CDH13: variants seen among roughly 807,000 people sequenced by gnomAD.
CDH13 encodes the protein cadherin 13.
Under a neutral mutation model 63.8 loss-of-function variants are expected in CDH13, and 24 were observed. That is an observed-to-expected ratio of 0.38 (90% confidence interval 0.27 to 0.53). CDH13 has a LOEUF of 0.53. CDH13 is among the 20% of genes least tolerant of loss of function. The pLI is 0.85. For synonymous variants in CDH13, 503 were observed against 355.3 expected (o/e 1.42, Z -4.67); for missense variants, 1,049 against 903.1 (o/e 1.16, Z -2.07).
rs553581137 is a variant in CDH13 at position 83,409,730 on chromosome 16, T to C, written c.781+64724T>C. Among the ~76,000 whole-genome samples the C allele has an allele frequency of 3.9e-5, 6 of 152,350 alleles. No homozygotes were observed. The South Asian group carries it at 1.2e-3, about 32-fold the overall frequency. On this transcript the variant is annotated intron_variant, in intron 6 of 13. Transcript: ENST00000567109. ...TATATCAAACAGGACCAATAAATCA[T>C]TCAGCTTTTCCCCAGAAGTGGGATG...
chr16:83,117,724 C>A (rs772747067), intron 3 of CDH13, among the ~76,000 whole-genome samples: 1 of 152,158 alleles, frequency 6.6e-6, no homozygotes, highest in African/African-American at 2.4e-5. Flanking sequence ...CTCCTTCTCA[C>A]GTTCTTTTTC....
At chr16:82,658,329 C>A (rs1308175438) in intron 1 of CDH13, among the ~76,000 whole-genome samples, 1 of 152,176 alleles carries the variant, frequency 6.6e-6, no homozygotes, top group Non-Finnish European at 1.5e-5. Flanking sequence ...ACTGCTGGTT[C>A]CCAATAGTTG....
At chr16:82,842,151 T>TAC (rs2039059794) in intron 1 of CDH13, among the ~76,000 whole-genome samples, 2 of 38,576 alleles carry the variant, frequency 5.2e-5, no homozygotes, top group African/African-American at 7.4e-5. Flanking sequence ...CATATATATA[T>TAC]ATATATATAT....
chr16:83,028,933 C>T (rs1916063292), intron 2 of CDH13, among the ~76,000 whole-genome samples: 1 of 152,138 alleles, frequency 6.6e-6, no homozygotes, highest in Non-Finnish European at 1.5e-5. Flanking sequence ...TGGTGACAGG[C>T]AAATGGTCCA....
intron 8 of CDH13, among the ~76,000 whole-genome samples, chr16:83,633,708 G>C (rs181669888): frequency 1.3e-5 from 2 of 152,076 alleles, no homozygotes. Flanking sequence ...ACTTTCTCTC[G>C]TTTTTGTTTC....
At chr16:83,317,923 G>A (rs1400108662) in intron 5 of CDH13, among the ~76,000 whole-genome samples, 19 of 152,102 alleles carry the variant, frequency 1.2e-4, no homozygotes, top group Admixed American at 1.2e-3. Flanking sequence ...GCAACAGGGC[G>A]GGGACTAGCA....
At chr16:83,425,559 A>T (rs2071867850) in intron 6 of CDH13, among the ~76,000 whole-genome samples, 1 of 152,104 alleles carries the variant, frequency 6.6e-6, no homozygotes, top group African/African-American at 2.4e-5. Flanking sequence ...TCCCTCAAAA[A>T]TATCCTTCTG....
At chr16:83,463,608 C>G (rs1025157269) in intron 6 of CDH13, among the ~76,000 whole-genome samples, 11 of 152,158 alleles carry the variant, frequency 7.2e-5, no homozygotes, top group African/African-American at 2.7e-4. Flanking sequence ...CAAGACCAGT[C>G]TGGGCAACAT....
intron 8 of CDH13, among the ~76,000 whole-genome samples, chr16:83,657,263 A>G (rs1017751859): frequency 6.6e-6 from 1 of 152,210 alleles, no homozygotes; most frequent in Non-Finnish European, 1.5e-5. Context: ...CCATTGCTAC[A>G]TTGTTCCTGA....
chr16:82,667,509 C>T (rs771466393), intron 1 of CDH13, among the ~76,000 whole-genome samples: 14 of 152,094 alleles, frequency 9.2e-5, no homozygotes, highest in South Asian at 2.1e-4. Flanking sequence ...TTCCTTGCAC[C>T]GTAGGATTGT....
At chr16:82,632,855 TAGA>T (rs1908183380) in intron 1 of CDH13, among the ~76,000 whole-genome samples, 1 of 152,154 alleles carries the variant, frequency 6.6e-6, no homozygotes, top group Non-Finnish European at 1.5e-5. Context: ...TTTCTGCCAC[TAGA>T]TGGTCCCATC....
At chr16:83,197,683 G>A (rs28638209) in intron 4 of CDH13, among the ~76,000 whole-genome samples, 1,842 of 152,204 alleles carry the variant, frequency 0.012, 25 homozygotes, top group African/African-American at 0.042. Flanking sequence ...TCCCAGTGGG[G>A]ATGGAATGGC....
At chr16:83,166,241 G>A (rs1049512565) in intron 4 of CDH13, among the ~76,000 whole-genome samples, 3 of 152,050 alleles carry the variant, frequency 2.0e-5, no homozygotes. Context: ...GTGCTGCTCT[G>A]GTACAATTGA....
chr16:83,289,944 C>G (rs1231334116), intron 5 of CDH13, among the ~76,000 whole-genome samples: 1 of 152,160 alleles, frequency 6.6e-6, no homozygotes, highest in Admixed American at 6.5e-5. Context: ...GATTAAGAAG[C>G]AGAACAAGAC....
chr16:82,969,324 A>G (rs768066718), intron 2 of CDH13, among the ~76,000 whole-genome samples: 7 of 152,072 alleles, frequency 4.6e-5, no homozygotes, highest in Admixed American at 2.0e-4. Flanking sequence ...CTGTGTTTCA[A>G]TAGAACTTTA....
intron 4 of CDH13, among the ~76,000 whole-genome samples, chr16:83,139,264 C>T (rs974026346): frequency 2.0e-5 from 3 of 152,242 alleles, no homozygotes; most frequent in African/African-American, 7.2e-5. Context: ...TGTCACACGT[C>T]TCTTCCCAGT....
At chr16:83,697,698 A>G (rs1363338622) in intron 10 of CDH13, among the ~76,000 whole-genome samples, 1 of 152,200 alleles carries the variant, frequency 6.6e-6, no homozygotes, top group Non-Finnish European at 1.5e-5. Context: ...CCCAGGCTGG[A>G]GTGCAGTGGT....
intron 5 of CDH13, among the ~76,000 whole-genome samples, chr16:83,330,278 G>A (rs1418564331): frequency 1.3e-5 from 2 of 152,168 alleles, no homozygotes; most frequent in Non-Finnish European, 2.9e-5. Context: ...TTGTATAAAT[G>A]CCAATATCCT....
chr16:82,989,691 G>A (rs1205457676), intron 2 of CDH13, among the ~76,000 whole-genome samples: 4 of 152,168 alleles, frequency 2.6e-5, no homozygotes, highest in African/African-American at 7.2e-5. Flanking sequence ...AAGGTGCAGG[G>A]TATTGCCTGC....
Sources: gnomAD v4.1 joint callset for allele counts (sites outside exome capture counted in the v4.1 genomes callset) on GRCh38, gnomAD v4.1.1 for gene constraint, MANE v1.5 for transcripts, NCBI Gene and HGNC (gene_info 2026-07-23, HGNC 2026-07-21) for gene names.